SRC: variants seen among roughly 807,000 people sequenced by gnomAD.
SRC encodes the protein SRC proto-oncogene, non-receptor tyrosine kinase.
SRC carries 13 observed loss-of-function variants against 62.9 expected under a neutral mutation model. The observed-to-expected ratio is 0.21, with a 90% CI of 0.13 to 0.33. The LOEUF (loss-of-function observed/expected upper bound fraction) is 0.33, where lower values mean the gene tolerates loss of function less well. Among genes scored for constraint, SRC ranks in the 10% least tolerant of loss-of-function variants. The pLI, the probability that SRC is intolerant of heterozygous loss-of-function variation, is 1.00. For missense variants in SRC, 457 were observed against 737.3 expected, an observed-to-expected ratio of 0.62 and a Z score of 4.40; for synonymous variants, 302 against 317.5, an observed-to-expected ratio of 0.95 and a Z score of 0.52.
chr20:37,373,526 G>T (rs1402077112), intron 2 of SRC, among the ~76,000 whole-genome samples: 1 of 151,896 alleles, frequency 6.6e-6, no homozygotes, highest in Non-Finnish European at 1.5e-5. Context: ...GTTCAGGCTG[G>T]TCTCAAACTC....
rs750781383 is a variant in SRC at position 37,396,126 on chromosome 20, G to A, written c.554-36G>A. Reference sequence around the variant, plus strand: ...AGAGCAGCGGCCTGCGGGGGGAGAGGGCATGGCGGTCACGGCTCCCCTCGG... The same window carrying A: ...AGAGCAGCGGCCTGCGGGGGGAGAGAGCATGGCGGTCACGGCTCCCCTCGG... On this transcript the variant is annotated intron_variant, in intron 7 of 13. Coordinates refer to ENST00000373578, the MANE Select transcript of SRC (RefSeq NM_198291.3). The surrounding 1 kb of genome is among the most constrained non-coding windows in gnomAD (Gnocchi z 6.1). 6.9e-6 allele frequency: 11 copies of A among 1,604,374 alleles called. No individual in the cohort carries two copies. The East Asian group carries it at 1.8e-4, about 26-fold the overall frequency.
Position 37,402,355 on chromosome 20 carries a change from C to G in SRC, c.1117-80C>G. 1 of 1,542,658 alleles carries G rather than the reference C, an allele frequency of 6.5e-7. No individual in the cohort carries two copies. Among genetic ancestry groups the G allele is most frequent in the Non-Finnish European group, 8.8e-7 (1 of 1,142,068 alleles). On this transcript the variant is annotated intron_variant, in intron 11 of 13. Transcript: ENST00000373578. This position sits in a 1 kb window ranked among gnomAD's most constrained non-coding sequence, Gnocchi z 6.2. ...GGGAGGGTGGGGAAGGGGTGGTTGG[C>G]TCTCCAGCCCCAGAGTGCTCTGTGG...
chr20:37,367,373 C>T (rs960031874), intron 2 of SRC, among the ~76,000 whole-genome samples: 2 of 151,854 alleles, frequency 1.3e-5, no homozygotes, highest in Non-Finnish European at 2.9e-5. Flanking sequence ...TGCCATTGTA[C>T]TTGGCTGTTT....
Position 37,403,064 on chromosome 20 carries a change from C to T in SRC, c.1403-107C>T. 1 of 1,345,782 alleles carries T rather than the reference C, an allele frequency of 7.4e-7. No individual in the cohort carries two copies. Among genetic ancestry groups the T allele is most frequent in the Non-Finnish European group, 1.0e-6 (1 of 1,001,626 alleles). 83.4% of individuals were successfully genotyped at this position (1,345,782 alleles called of 1,614,324 possible). On this transcript the variant is annotated intron_variant, in intron 13 of 13. Transcript: ENST00000373578. The surrounding 1 kb of genome is among the most constrained non-coding windows in gnomAD (Gnocchi z 7.1). ...CGGGGACAGGACTTATCTATGGTCA[C>T]TCCCAACCTGTCCTAGGCAGGAAGC...
chr20:37,377,111 C>A (rs1158102514), intron 2 of SRC, among the ~76,000 whole-genome samples: 1 of 152,184 alleles, frequency 6.6e-6, no homozygotes, highest in Admixed American at 6.5e-5. Flanking sequence ...CAATTAAGAA[C>A]CAACTGTGTG....
chr20:37,388,526 G>A (rs1467142119), intron 5 of SRC, among the ~76,000 whole-genome samples: 2 of 152,198 alleles, frequency 1.3e-5, no homozygotes, highest in South Asian at 2.1e-4. Context: ...CAGGAGGATC[G>A]CTTGAACCCA....
At position 37,394,244 on chromosome 20, in the gene SRC, A is replaced by G; in HGVS notation, c.520A>G (p.Thr174Ala). 1 of 1,614,010 alleles carries G rather than the reference A, an allele frequency of 6.2e-7. No individual in the cohort carries two copies. The highest frequency in any genetic ancestry group is 8.5e-7 in the Non-Finnish European group (1 of 1,180,026). The change falls in exon 7 of 14, where the codon ACC (threonine) becomes GCC (alanine). Residue 174 changes from threonine (T) to alanine (A), a missense_variant. Around this residue, in one of 4 missense-constraint regions of SRC, gnomAD observed 141 missense variants for 198.4 expected, o/e 0.71. Transcript: ENST00000373578. The stretch of plus-strand genomic sequence containing the variant: ...GCTCAATGCAGAGAACCCGAGAGGG[A>G]CCTTCCTCGTGCGAGAAAGTGAGAC... ...LLLNAENPRGTFLVRESETTK... is the reference protein window; with the variant it reads ...LLLNAENPRGAFLVRESETTK...
chr20:37,394,145 A>G, intron 6 of SRC, 29 bp from the exon 7 acceptor site: 2 of 1,600,506 alleles, frequency 1.2e-6, no homozygotes, highest in South Asian at 1.1e-5. Flanking sequence ...CTGGACAGTC[A>G]GCACCATCCT....
intron 1 of SRC, among the ~76,000 whole-genome samples, chr20:37,350,477 G>T (rs962963499): frequency 2.6e-5 from 4 of 152,208 alleles, no homozygotes; most frequent in African/African-American, 7.2e-5. Context: ...CTGTACCTTA[G>T]GTCCCCACCT....
At chr20:37,376,611 C>T (rs541523681) in intron 2 of SRC, among the ~76,000 whole-genome samples, 1 of 152,348 alleles carries the variant, frequency 6.6e-6, no homozygotes, top group East Asian at 1.9e-4. Flanking sequence ...TCAAGTGATT[C>T]TCCTACCTCA....
chr20:37,372,754 A>G (rs952269120), intron 2 of SRC, among the ~76,000 whole-genome samples: 6 of 151,986 alleles, frequency 3.9e-5, no homozygotes, highest in Admixed American at 3.3e-4. Flanking sequence ...TTTTCTGTAA[A>G]CTATATGTTG....
intron 5 of SRC, 110 bp downstream of exon 5, chr20:37,386,284 CAGTGCGA>C: frequency 9.2e-7 from 1 of 1,087,522 alleles, no homozygotes; most frequent in African/African-American, 1.5e-5. Flanking sequence ...GAGCCCAGGG[CAGTGCGA>C]AGCCCAGGGC....
chr20:37,395,489 C>T (rs889542803), intron 7 of SRC, among the ~76,000 whole-genome samples: 1 of 152,234 alleles, frequency 6.6e-6, no homozygotes, highest in Non-Finnish European at 1.5e-5. Context: ...GAAACTTTTC[C>T]GGCCAAAAGC....
chr20:37,397,627 G>T lies in SRC; in HGVS notation c.704-72G>T, dbSNP rs1042021036. 2 of 1,464,524 alleles carry T rather than the reference G, an allele frequency of 1.4e-6. No homozygotes were observed. The highest frequency in any genetic ancestry group is 1.8e-6 in the Non-Finnish European group (2 of 1,106,210). The allele number at this position is 1,464,524 out of a possible 1,614,324, so 90.7% of individuals were successfully genotyped here. On this transcript the variant is annotated intron_variant, in intron 8 of 13. Transcript: ENST00000373578. This position sits in a 1 kb window ranked among gnomAD's most constrained non-coding sequence, Gnocchi z 4.1. ...TCTGTGTGCATCTGGCATGTAGGGC[G>T]ACACACACTGAGGGGCAGGGAGGCC... is the stretch of plus-strand genomic sequence containing the variant.
Position 37,386,182 on chromosome 20 carries a change from C to CT in SRC, c.350+8_350+9insT. ...CCAGATTGTCAACAACACGTGAGTG[C>CT]CCCCTTCCCTATTGCCCCTCAGGGC... On this transcript the variant is annotated intron_variant, in intron 5 of 13. Coordinates refer to ENST00000373578, the MANE Select transcript of SRC (RefSeq NM_198291.3). 6.2e-7 allele frequency: 1 copy of CT among 1,613,486 alleles called. No homozygotes were observed. The highest frequency in any genetic ancestry group is 8.5e-7 in the Non-Finnish European group (1 of 1,179,422).
At chr20:37,373,385 A>T (rs2070220425) in intron 2 of SRC, among the ~76,000 whole-genome samples, 1 of 152,064 alleles carries the variant, frequency 6.6e-6, no homozygotes, top group Non-Finnish European at 1.5e-5. Context: ...TGTACATTAT[A>T]CACATATATG....
chr20:37,382,028 G>T (rs1487467059), intron 2 of SRC, among the ~76,000 whole-genome samples: 1 of 152,160 alleles, frequency 6.6e-6, no homozygotes, highest in East Asian at 1.9e-4. Flanking sequence ...CAGGCAGGGG[G>T]CGTCTCATAG....
chr20:37,352,428 A>T (rs190060033), intron 1 of SRC, among the ~76,000 whole-genome samples: 6 of 152,250 alleles, frequency 3.9e-5, no homozygotes, highest in Non-Finnish European at 7.4e-5. Context: ...GGGAAGATTA[A>T]CTAGAAACAG....
At chr20:37,392,501 C>G (rs902439206) in intron 5 of SRC, among the ~76,000 whole-genome samples, 4 of 152,312 alleles carry the variant, frequency 2.6e-5, no homozygotes, top group Admixed American at 2.0e-4. Context: ...TGGGTGGGGG[C>G]CACCCTGCCT....
Sources: allele counts gnomAD v4.1 joint callset (sites outside exome capture counted in the v4.1 genomes callset), GRCh38; gene constraint gnomAD v4.1.1; regional missense constraint gnomAD v4.1.1; non-coding constraint Gnocchi (gnomAD v3.1); transcripts MANE v1.5; gene names NCBI Gene and HGNC (gene_info 2026-07-23, HGNC 2026-07-21).